The following SH2D3C variants were observed in gnomAD, a reference collection of about 807,000 sequenced individuals.
The protein encoded by SH2D3C is SH2 domain containing 3C.
In SH2D3C, 25 loss-of-function variants were observed where a neutral mutation model predicts 75.2. That is an observed-to-expected ratio of 0.33 (90% CI 0.24 to 0.46). The LOEUF (loss-of-function observed/expected upper bound fraction) is 0.46, where lower values mean the gene tolerates loss of function less well. Ranked by LOEUF, SH2D3C falls within the 20% of genes least tolerant of loss-of-function variation. SH2D3C has a pLI of 1.00. For missense variants in SH2D3C, 933 were observed against 1,165.3 expected, an observed-to-expected ratio of 0.80 and a Z score of 2.90; for synonymous variants, 450 against 473.7, an observed-to-expected ratio of 0.95 and a Z score of 0.65.
rs1845786853 is a variant in SH2D3C at position 127,774,849 on chromosome 9, G to A, written c.38-382C>T. On this transcript the variant is annotated intron_variant, in intron 1 of 11. Transcript: ENST00000314830. This position sits in a 1 kb window ranked among gnomAD's most constrained non-coding sequence, Gnocchi z 4.3. ...TCATGCCTGTAATCCCAGCACTTTG[G>A]GAGGCCGAGGCGGGTGGATCACCTG... Among the ~76,000 whole-genome samples the A allele has an allele frequency of 6.6e-6, 1 of 152,182 alleles. No homozygotes were observed. The highest frequency in any genetic ancestry group is 6.5e-5 in the Admixed American group (1 of 15,282).
chr9:127,745,860 T>A (rs1456598285), intron 6 of SH2D3C, among the ~76,000 whole-genome samples: 1 of 152,166 alleles, frequency 6.6e-6, no homozygotes, highest in Non-Finnish European at 1.5e-5. Flanking sequence ...GCTGGAGACA[T>A]AATGACAGTA....
chr9:127,739,632 G>A lies in SH2D3C; in HGVS notation c.2407+50C>T, dbSNP rs1454725770. The stretch of plus-strand genomic sequence containing the variant: ...AGAAAAGGGAAGCAGTGAGGCAGGT[G>A]GAGGGAGGCCCAGGCCTGCAAGCCC... On this transcript the variant is annotated intron_variant, in intron 11 of 11. Coordinates refer to ENST00000314830, the MANE Select transcript of SH2D3C (RefSeq NM_170600.3). This position sits in a 1 kb window ranked among gnomAD's most constrained non-coding sequence, Gnocchi z 4.3. 9.9e-6 allele frequency: 15 copies of A among 1,521,604 alleles called. No homozygotes were observed. Among genetic ancestry groups the A allele is most frequent in the Non-Finnish European group, 1.3e-5 (15 of 1,113,600 alleles). The allele number at this position is 1,521,604 out of a possible 1,614,324, so 94.3% of individuals were successfully genotyped here.
chr9:127,741,679 G>T, intron 9 of SH2D3C, 109 bp downstream of exon 9: 2 of 1,346,988 alleles, frequency 1.5e-6, no homozygotes, highest in South Asian at 1.5e-5. Context: ...CACCAATTCT[G>T]CCTAGAAATT....
intron 7 of SH2D3C, 126 bp from the exon 8 acceptor site, chr9:127,743,090 C>G: frequency 1.7e-6 from 1 of 603,970 alleles, no homozygotes; most frequent in African/African-American, 1.9e-5. Context: ...ATTCCAGCTC[C>G]ACCGCTAACC....
At chr9:127,761,707 G>C in intron 2 of SH2D3C, 57 bp from the exon 3 acceptor site, 1 of 1,493,732 alleles carries the variant, frequency 6.7e-7, no homozygotes, top group Non-Finnish European at 9.3e-7. Flanking sequence ...CCCAGCTGCC[G>C]GTCTCTTGCC....
intron 2 of SH2D3C, among the ~76,000 whole-genome samples, chr9:127,764,905 C>T (rs1341583771): frequency 6.6e-6 from 1 of 152,078 alleles, no homozygotes; most frequent in Non-Finnish European, 1.5e-5. Context: ...GATGGGGTTT[C>T]GCCATGTTGG....
Position 127,754,758 on chromosome 9 carries a change from G to A in SH2D3C, c.556-3458C>T, listed in dbSNP as rs1258474630. 3 of 465,372 alleles carry A rather than the reference G, an allele frequency of 6.4e-6. No homozygotes were observed. Among genetic ancestry groups the A allele is most frequent in the East Asian group, 1.4e-4 (2 of 14,176 alleles). 28.8% of individuals were successfully genotyped at this position (465,372 alleles called of 1,614,324 possible). A position where few individuals can be genotyped will look rare whatever the true frequency, so the allele number is the denominator to read the frequency against. ...GGGCCAGCGTACCAGGCGGAGGACC[G>A]GCAGGACGCCGGAGACCCCATCTCC... is the stretch of plus-strand genomic sequence containing the variant. On this transcript the variant is annotated intron_variant, in intron 3 of 11. Coordinates refer to ENST00000314830, the MANE Select transcript of SH2D3C (RefSeq NM_170600.3). This position sits in a 1 kb window ranked among gnomAD's most constrained non-coding sequence, Gnocchi z 4.4.
intron 3 of SH2D3C, among the ~76,000 whole-genome samples, chr9:127,759,978 G>A (rs1240593972): frequency 5.2e-4 from 77 of 148,174 alleles, no homozygotes; most frequent in African/African-American, 1.4e-3. Flanking sequence ...GTGAGACTCC[G>A]TCTCAAAAAA....
rs563763699 is a variant in SH2D3C at position 127,765,868 on chromosome 9, A to C, written c.516-4218T>G. ...ATATTAGTGGTGAAATCAATTAATA[A>C]ATAATAGTGATAATTGAGCTAAATC... On this transcript the variant is annotated intron_variant, in intron 2 of 11. Transcript: ENST00000314830. Among the ~76,000 whole-genome samples the C allele has an allele frequency of 4.6e-5, 7 of 152,364 alleles. No homozygotes were observed. The South Asian group carries it at 1.2e-3, about 27-fold the overall frequency.
At chr9:127,767,123 G>A (rs180961636) in intron 2 of SH2D3C, 1 of 1,535,934 alleles carries the variant, frequency 6.5e-7, no homozygotes, top group Admixed American at 2.0e-5. Flanking sequence ...ACCGTCTGGA[G>A]CCCTCAGTTT....
chr9:127,758,293 TA>T (rs773017201), intron 3 of SH2D3C, among the ~76,000 whole-genome samples: 1 of 152,118 alleles, frequency 6.6e-6, no homozygotes, highest in Non-Finnish European at 1.5e-5. Flanking sequence ...GTCTTGAAAC[TA>T]AAATTAACAT....
At chr9:127,775,813 T>C (rs945052526) in intron 1 of SH2D3C, among the ~76,000 whole-genome samples, 1 of 151,728 alleles carries the variant, frequency 6.6e-6, no homozygotes, top group East Asian at 1.9e-4. Context: ...CTGTCTCTAA[T>C]AGCAATAATT....
rs775282222 is a variant in SH2D3C at position 127,756,063 on chromosome 9, A to T, written c.556-4763T>A. ...CGCCTGTAATCCCACGCCCTGGGAG[A>T]CCGGGGCAAGTGCATCACTTGAGGC... On this transcript the variant is annotated intron_variant, in intron 3 of 11. Transcript: ENST00000314830. Among the ~76,000 whole-genome samples the T allele has an allele frequency of 2.0e-5, 3 of 152,100 alleles. No homozygotes were observed. The South Asian group carries it at 6.2e-4, about 32-fold the overall frequency.
chr9:127,750,557 T>G (rs1448167503), intron 4 of SH2D3C, among the ~76,000 whole-genome samples: 2 of 152,208 alleles, frequency 1.3e-5, no homozygotes, highest in African/African-American at 4.8e-5. Flanking sequence ...CTTGTACTTC[T>G]TCCACTAGGC....
At chr9:127,765,160 G>A (rs1357595762) in intron 2 of SH2D3C, among the ~76,000 whole-genome samples, 3 of 152,046 alleles carry the variant, frequency 2.0e-5, no homozygotes, top group South Asian at 2.1e-4. Context: ...AGGTGTGAGC[G>A]ACCTCACCCA....
chr9:127,744,314 G>A (rs187312886), intron 7 of SH2D3C, among the ~76,000 whole-genome samples: 5 of 152,044 alleles, frequency 3.3e-5, no homozygotes, highest in Admixed American at 2.0e-4. Flanking sequence ...CAGGTGATCC[G>A]CCCGCCTCGG....
intron 2 of SH2D3C, among the ~76,000 whole-genome samples, chr9:127,772,368 T>C (rs867807275): frequency 7.3e-5 from 11 of 150,564 alleles, no homozygotes; most frequent in African/African-American, 2.7e-4. Context: ...CTCAGCCTCC[T>C]CAGTAGCTGG....
chr9:127,753,863 C>G (rs1296284195), intron 3 of SH2D3C, among the ~76,000 whole-genome samples: 2 of 152,222 alleles, frequency 1.3e-5, no homozygotes, highest in African/African-American at 4.8e-5. Flanking sequence ...AGGGAGGAGG[C>G]TGGATGTTGA....
chr9:127,765,795 A>G (rs894591447), intron 2 of SH2D3C, among the ~76,000 whole-genome samples: 2 of 152,178 alleles, frequency 1.3e-5, no homozygotes, highest in South Asian at 2.1e-4. Context: ...TCCACTAATT[A>G]ATTTATTTAT....
Sources: gnomAD v4.1 joint callset for allele counts (sites outside exome capture counted in the v4.1 genomes callset) on GRCh38, gnomAD v4.1.1 for gene constraint, Gnocchi (gnomAD v3.1) non-coding constraint, MANE v1.5 for transcripts, NCBI Gene and HGNC (gene_info 2026-07-23, HGNC 2026-07-21) for gene names.